CHKB: variants seen among roughly 807,000 people sequenced by gnomAD.
CHKB encodes choline/ethanolamine kinase.
A neutral mutation model predicts 57.3 loss-of-function variants in CHKB; 45 were observed. That is an observed-to-expected ratio of 0.79 (90% CI 0.62 to 1.01). The LOEUF (loss-of-function observed/expected upper bound fraction) is 1.01. CHKB is among the 50% of genes least tolerant of loss of function. The pLI is 0.00. For synonymous variants in CHKB, 224 were observed against 201.8 expected (o/e 1.11, Z -0.93); for missense variants, 517 against 502.8 (o/e 1.03, Z -0.27).
In CHKB at chr22:50,581,837, C is replaced by T. The variant is rs2146656856; in HGVS notation, c.359G>A (p.Ser120Asn). The change falls in exon 3 of 11, where the codon AGC becomes AAC. Residue 120 changes from serine to asparagine, a missense_variant. Transcript: ENST00000406938. Reference protein sequence around the residue: ...LQGVDSLVLESVMFAILAERS... With the variant: ...LQGVDSLVLENVMFAILAERS... ...CTCCGCAAGTATGGCGAACATCACG[C>T]TTTCTAGCACCAGGGAGTCCACGCC... 6.2e-7 allele frequency: 1 copy of T among 1,613,858 alleles called. No individual in the cohort carries two copies. The highest frequency in any genetic ancestry group is 8.5e-7 in the Non-Finnish European group (1 of 1,180,020).
chr22:50,579,612 A>T (rs1231937219), intron 9 of CHKB, 105 bp from the exon 10 acceptor site: 1 of 1,483,124 alleles, frequency 6.7e-7, no homozygotes, highest in African/African-American at 1.4e-5. Context: ...CTTCTCCCCC[A>T]CTGTCCTAAC....
At chr22:50,581,358 C>A in intron 4 of CHKB, 62 bp downstream of exon 4, 2 of 1,602,128 alleles carry the variant, frequency 1.2e-6, no homozygotes. Context: ...GCCCCCGACA[C>A]ATCCGCTGGC....
In CHKB at chr22:50,582,752, T is replaced by A. The variant is rs1240826379; in HGVS notation, c.30A>T (p.Gly10=). 1.9e-5 allele frequency: 30 copies of A among 1,592,032 alleles called. No homozygotes were observed. The highest frequency in any genetic ancestry group is 2.5e-5 in the Non-Finnish European group (29 of 1,170,672). Residue 10 remains glycine (G), a synonymous_variant, in exon 1 of 11, where the codon GGA becomes GGT. Coordinates refer to ENST00000406938, the MANE Select transcript of CHKB (RefSeq NM_005198.5). MAAEATAVA[G]SGAVGGCLAK... ...CCAGGCAGCCGCCAACAGCCCCGCTTCCGGCCACAGCTGTCGCCTCGGCCG... is the reference window on the plus strand; with the variant it reads ...CCAGGCAGCCGCCAACAGCCCCGCTACCGGCCACAGCTGTCGCCTCGGCCG...
rs1400059613 is a variant in CHKB at position 50,581,542 on chromosome 22, C to T, written c.459G>A (p.Leu153=). The T allele has an allele frequency of 1.2e-6, 2 of 1,613,908 alleles. No individual in the cohort carries two copies. Among genetic ancestry groups the T allele is most frequent in the Non-Finnish European group, 8.5e-7 (1 of 1,180,028 alleles). Reference sequence around the variant, plus strand: ...CTGGCTCTCGAAGCTCTTGAGTTTTCAATGGCCGACTCTGCACCCAGGAAG... The same window carrying T: ...CTGGCTCTCGAAGCTCTTGAGTTTTTAATGGCCGACTCTGCACCCAGGAAG... The part of the protein sequence containing the change: ...RLEQYIPSRP[L]KTQELREPVL... Residue 153 remains leucine, a synonymous_variant, in exon 4 of 11, where the codon TTG becomes TTA. Transcript: ENST00000406938.
At chr22:50,581,928 C>T (rs375802036) in intron 2 of CHKB, 66 bp from the exon 3 acceptor site, 27 of 1,372,456 alleles carry the variant, frequency 2.0e-5, no homozygotes, top group Non-Finnish European at 2.6e-5. Flanking sequence ...GAGGGCTCGC[C>T]TTCCTCCCAC....
chr22:50,582,188 C>G, intron 2 of CHKB, 61 bp downstream of exon 2: 1 of 1,417,152 alleles, frequency 7.1e-7, no homozygotes, highest in Non-Finnish European at 9.7e-7. Context: ...CAATACTACC[C>G]GCATCGCGTA....
In CHKB at chr22:50,582,264, G is replaced by A. The variant is rs1307750846; in HGVS notation, c.318C>T (p.Tyr106=). ...CCCCCCTCACCTGCAAGATGGCTCCGTACAGCCGCAGAAGCACCTCCCGGG... is the reference window on the plus strand; with the variant it reads ...CCCCCCTCACCTGCAAGATGGCTCCATACAGCCGCAGAAGCACCTCCCGGG... ...EEPREVLLRL[Y]GAILQGVDSL... Residue 106 remains tyrosine (Y), a synonymous_variant, in exon 2 of 11, where the codon TAC becomes TAT. Transcript: ENST00000406938. 1.3e-6 allele frequency: 2 copies of A among 1,591,814 alleles called. No homozygotes were observed. Among genetic ancestry groups the A allele is most frequent in the Non-Finnish European group, 1.7e-6 (2 of 1,171,452 alleles).
rs1162608520 is a variant in CHKB, at chr22:50,580,406, C to G, written c.688G>C (p.Glu230Gln). The change falls in exon 6 of 11, where the codon GAG becomes CAG. Residue 230 changes from glutamate (E) to glutamine (Q), a missense_variant. Physicochemically the swap from Glu to Gln is conservative, Grantham distance 29. Transcript: ENST00000406938. Reference sequence around the variant, plus strand: ...AAGACGACTGGCGATGGGGTAGACTCTAGTAACTTCCTACAGGGGTATGGG... The same window carrying G: ...AAGACGACTGGCGATGGGGTAGACTGTAGTAACTTCCTACAGGGGTATGGG... ...DEMGNLRKLL[E>Q]STPSPVVFCH... 1.2e-6 allele frequency: 2 copies of G among 1,613,980 alleles called. No homozygotes were observed. The highest frequency in any genetic ancestry group is 3.3e-5 in the Admixed American group (2 of 60,024).
chr22:50,582,836 G>C lies in CHKB; in HGVS notation c.-55C>G. 7.6e-7 allele frequency: 1 copy of C among 1,308,074 alleles called. No individual in the cohort carries two copies. Among genetic ancestry groups the C allele is most frequent in the Non-Finnish European group, 1.0e-6 (1 of 1,001,440 alleles). 81.0% of individuals were successfully genotyped at this position (1,308,074 alleles called of 1,614,324 possible). The stretch of plus-strand genomic sequence containing the variant: ...GCTGCGCTCCGCTCCCTTCGGACGG[G>C]CTCGGTTCCTTCCGGCCGCGCTCGG... On this transcript the variant is annotated 5_prime_UTR_variant, in exon 1 of 11. Coordinates refer to ENST00000406938, the MANE Select transcript of CHKB (RefSeq NM_005198.5).
At position 50,582,807 on chromosome 22, in the gene CHKB, C is replaced by G. The variant is rs1465413866; in HGVS notation, c.-26G>C. The stretch of plus-strand genomic sequence containing the variant: ...GGCGCGGGCTCGACCGGGCCCCAGG[C>G]CAGGCTGCGCTCCGCTCCCTTCGGA... On this transcript the variant is annotated 5_prime_UTR_variant, in exon 1 of 11. Coordinates refer to ENST00000406938, the MANE Select transcript of CHKB (RefSeq NM_005198.5). The G allele has an allele frequency of 2.0e-6, 3 of 1,538,382 alleles. No individual in the cohort carries two copies. Among genetic ancestry groups the G allele is most frequent in the Admixed American group, 2.0e-5 (1 of 51,028 alleles).
Position 50,582,287 on chromosome 22 carries a change from G to C in CHKB, c.295C>G (p.Arg99Gly). The C allele has an allele frequency of 6.3e-7, 1 of 1,594,600 alleles. No homozygotes were observed. Among genetic ancestry groups the C allele is most frequent in the Admixed American group, 1.7e-5 (1 of 57,712 alleles). The change falls in exon 2 of 11, where the codon CGG (arginine) becomes GGG (glycine). Residue 99 changes from arginine (R) to glycine (G), a missense_variant. By Grantham distance (125) the Arg-to-Gly change is moderately radical. Transcript: ENST00000406938. The part of the protein sequence containing the change: ...DHLPSVGEEP[R>G]EVLLRLYGAI... ...CCGTACAGCCGCAGAAGCACCTCCC[G>C]GGGCTCCTCGCCAACGCTGGGCAGG...
At position 50,580,600 on chromosome 22, in the gene CHKB, C is replaced by A. The variant is rs761029141; in HGVS notation, c.642G>T (p.Glu214Asp). ...CCATCTCATCCTTCAGGCTGTACAT[C>A]TCCAGCAGGTTCATCTCAGGGAGGC... Reference protein sequence around the residue: ...PTGLPEMNLLEMYSLKDEMGN... With the variant: ...PTGLPEMNLLDMYSLKDEMGN... The change falls in exon 5 of 11, where the codon GAG becomes GAT. Residue 214 changes from glutamate (E) to aspartate (D), a missense_variant. By Grantham distance (45) the Glu-to-Asp change is conservative. Coordinates refer to ENST00000406938, the MANE Select transcript of CHKB (RefSeq NM_005198.5). 15 of 1,614,034 alleles carry A rather than the reference C, an allele frequency of 9.3e-6. No individual in the cohort carries two copies. The highest frequency in any genetic ancestry group is 1.6e-4 in the Middle Eastern group (1 of 6,084).
chr22:50,582,586 G>A lies in CHKB; in HGVS notation c.196C>T (p.Pro66Ser), dbSNP rs141533752. The stretch of plus-strand genomic sequence containing the variant: ...ACGGGGTAAACCCTCAGCTCCTCGG[G>A]CTGCACTCGGCGCCAGGCCCCGCCC... ...YLGGAWRRVQPEELRVYPVSG... is the reference protein window; with the variant it reads ...YLGGAWRRVQSEELRVYPVSG... The change falls in exon 1 of 11, where the codon CCC becomes TCC. Residue 66 changes from proline to serine, a missense_variant. Transcript: ENST00000406938. The A allele has an allele frequency of 6.2e-7, 1 of 1,610,172 alleles. No homozygotes were observed. The highest frequency in any genetic ancestry group is 8.5e-7 in the Non-Finnish European group (1 of 1,178,924).
chr22:50,580,094 A>C lies in CHKB; in HGVS notation c.819-12T>G. 2 of 1,613,744 alleles carry C rather than the reference A, an allele frequency of 1.2e-6. No individual in the cohort carries two copies. The highest frequency in any genetic ancestry group is 2.2e-5 in the East Asian group (1 of 44,888). Reference sequence around the variant, plus strand: ...CAATGTCAAAGCCCCTGGGAGAATAAGGTGGACATTCAGTCCCCAAATGCC... The same window carrying C: ...CAATGTCAAAGCCCCTGGGAGAATACGGTGGACATTCAGTCCCCAAATGCC... On this transcript the variant is annotated splice_polypyrimidine_tract_variant and intron_variant, in intron 7 of 10. Transcript: ENST00000406938.
intron 4 of CHKB, 121 bp from the exon 5 acceptor site, chr22:50,580,781 ATTTCT>A: frequency 2.2e-6 from 2 of 911,074 alleles, no homozygotes; most frequent in Non-Finnish European, 3.5e-6. Flanking sequence ...TCCGGCAATC[ATTTCT>A]TTTTTTCTTT....
chr22:50,580,962 A>G (rs2070679498), intron 4 of CHKB, among the ~76,000 whole-genome samples: 1 of 151,888 alleles, frequency 6.6e-6, no homozygotes, highest in Non-Finnish European at 1.5e-5. Context: ...TTGTATTTTA[A>G]TAGAGACAGG....
rs2146656742 is a variant in CHKB, at chr22:50,581,776, TG to T, written c.419del (p.Pro140GlnfsTer14). ...SLGPQLYGVF[P>X]EGRLEQYIPS... ...GGATGTACTGTTCCAGCCGGCCCTC[TG>T]GGAAGACTCCGTACAGCTGGGGCCC... is the stretch of plus-strand genomic sequence containing the variant. On this transcript the variant is annotated frameshift_variant, in exon 3 of 11. Transcript: ENST00000406938. LOFTEE classifies it high-confidence loss of function. 3 of 1,613,846 alleles carry T rather than the reference TG, an allele frequency of 1.9e-6. No homozygotes were observed. The South Asian group carries it at 3.3e-5, about 18-fold the overall frequency.
Position 50,580,632 on chromosome 22 carries a change from G to C in CHKB, c.610C>G (p.Pro204Ala). The C allele has an allele frequency of 6.2e-7, 1 of 1,614,058 alleles. No homozygotes were observed. The highest frequency in any genetic ancestry group is 1.7e-5 in the Admixed American group (1 of 60,018). The change falls in exon 5 of 11, where the codon CCA becomes GCA. Residue 204 changes from proline (P) to alanine (A), a missense_variant. Transcript: ENST00000406938. ...RYLKQIQDLP[P>A]TGLPEMNLLE... ...AGGTTCATCTCAGGGAGGCCAGTTG[G>C]GGGCAGGTCCTGGATCTGTTTTAGG...
rs1465614518 is a variant in CHKB, at chr22:50,582,336, G to A, written c.246C>T (p.Leu82=). The change falls in exon 2 of 11, where the codon CTC becomes CTT. Residue 82 remains leucine (L), a synonymous_variant. Coordinates refer to ENST00000406938, the MANE Select transcript of CHKB (RefSeq NM_005198.5). The part of the protein sequence containing the change: ...YPVSGGLSNL[L]FRCSLPDHLP... ...GGTGGTCCGGGAGCGAGCAGCGGAA[G>A]AGCAGGTTGCTGAGGCCTCCGCTGC... is the stretch of plus-strand genomic sequence containing the variant. 10 of 1,571,604 alleles carry A rather than the reference G, an allele frequency of 6.4e-6. No homozygotes were observed. In the African/African-American group the frequency reaches 6.7e-5, roughly 11 times the overall value.
Sources: gnomAD v4.1 joint callset for allele counts (sites outside exome capture counted in the v4.1 genomes callset) on GRCh38, gnomAD v4.1.1 for gene constraint, MANE v1.5 for transcripts, NCBI Gene and HGNC (gene_info 2026-07-23, HGNC 2026-07-21) for gene names.